The following CFAP47 variants were observed in gnomAD, a reference collection of about 807,000 sequenced individuals.
The protein encoded by CFAP47 is cilia and flagella associated protein 47, also known as cilia- and flagella-associated protein 47.
Under a neutral mutation model 148.1 loss-of-function variants are expected in CFAP47, and 29 were observed. The observed-to-expected ratio is 0.20, with a 90% CI of 0.15 to 0.27. The LOEUF is 0.27. CFAP47 is among the 10% of genes least tolerant of loss of function. The pLI, the probability that CFAP47 is intolerant of heterozygous loss-of-function variation, is 1.00. For synonymous variants in CFAP47, 664 were observed against 577.3 expected (o/e 1.15, Z -2.15); for missense variants, 1,872 against 1,697.5 (o/e 1.10, Z -1.81).
Position 36,167,041 on chromosome X carries a change from A to T in CFAP47, c.6026+6272A>T, listed in dbSNP as rs745540007. ...CAGACCTCTTTGAAAAAACAGTTCT[A>T]TAAATCATTGTTTAAGATTTTTTCT... is the stretch of plus-strand genomic sequence containing the variant. On this transcript the variant is annotated intron_variant, in intron 39 of 63. Coordinates refer to ENST00000378653, the MANE Select transcript of CFAP47 (RefSeq NM_001304548.2). Among the ~76,000 whole-genome samples the T allele has an allele frequency of 2.0e-3, 220 of 111,556 alleles. 2 individuals carry two copies. The highest frequency in any genetic ancestry group is 3.7e-3 in the Non-Finnish European group (195 of 53,153).
At chrX:36,332,455 T>A (rs1556014219) in intron 57 of CFAP47, among the ~76,000 whole-genome samples, 1 of 111,895 alleles carries the variant, frequency 8.9e-6, no homozygotes, top group Non-Finnish European at 1.9e-5. Flanking sequence ...AAATTAATTC[T>A]TACAGAAAGG....
At chrX:35,984,920 T>A (rs904114408) in intron 15 of CFAP47, among the ~76,000 whole-genome samples, 6 of 111,477 alleles carry the variant, frequency 5.4e-5, no homozygotes, top group African/African-American at 2.0e-4. Flanking sequence ...ACTCTGATGT[T>A]TGGGAGTGGA....
rs1015839416 is a variant in CFAP47, at chrX:36,114,037, G to C, written c.5320+9346G>C. Among the ~76,000 whole-genome samples the C allele has an allele frequency of 6.4e-5, 7 of 110,141 alleles. No homozygotes were observed. In the South Asian group the frequency reaches 1.2e-3, roughly 18 times the overall value. On this transcript the variant is annotated intron_variant, in intron 33 of 63. Transcript: ENST00000378653. Reference sequence around the variant, plus strand: ...GCATTAGCCAGGATGGTCTCGATCTGCTGACCTCGTGATCTGCCCGCCTTG... The same window carrying C: ...GCATTAGCCAGGATGGTCTCGATCTCCTGACCTCGTGATCTGCCCGCCTTG...
At chrX:36,145,744 A>G (rs1006641912) in intron 36 of CFAP47, among the ~76,000 whole-genome samples, 2 of 110,486 alleles carry the variant, frequency 1.8e-5, no homozygotes, top group African/African-American at 6.6e-5. Context: ...TTGATGCAAA[A>G]CTCATCCATA....
intron 8 of CFAP47, among the ~76,000 whole-genome samples, chrX:35,966,117 A>T (rs896509547): frequency 1.7e-4 from 18 of 107,398 alleles, no homozygotes; most frequent in African/African-American, 6.0e-4. Context: ...TACTATGTTT[A>T]ATTTTTCTTA....
chrX:36,347,546 A>T (rs782211484), intron 57 of CFAP47, among the ~76,000 whole-genome samples: 11 of 112,239 alleles, frequency 9.8e-5, no homozygotes, highest in Non-Finnish European at 2.1e-4. Flanking sequence ...TCCATCAATG[A>T]TAGACTAGAT....
In CFAP47 at chrX:36,367,199, A is replaced by G. The variant is rs377497599; in HGVS notation, c.9185+72A>G. On this transcript the variant is annotated intron_variant, in intron 62 of 63. Coordinates refer to ENST00000378653, the MANE Select transcript of CFAP47 (RefSeq NM_001304548.2). ...AACTTTGGAATGAAATTTAAGATGG[A>G]AAATTCTATAGTTCATCTTTTGCTG... is the stretch of plus-strand genomic sequence containing the variant. The G allele has an allele frequency of 7.8e-5, 59 of 756,117 alleles. No homozygotes were observed. The African/African-American group carries it at 1.2e-3, about 15-fold the overall frequency. 62.3% of individuals were successfully genotyped at this position (756,117 alleles called of 1,213,427 possible).
At chrX:35,934,772 A>C (rs759327012) in intron 2 of CFAP47, among the ~76,000 whole-genome samples, 336 of 110,624 alleles carry the variant, frequency 3.0e-3, no homozygotes, top group Non-Finnish European at 5.3e-3. Context: ...TTTAGTCAGC[A>C]GGTGATGAAT....
At chrX:36,077,903 C>T (rs1415669746) in intron 29 of CFAP47, among the ~76,000 whole-genome samples, 1 of 110,232 alleles carries the variant, frequency 9.1e-6, no homozygotes, top group Non-Finnish European at 1.9e-5. Context: ...GTGGCACACT[C>T]CTATAGTCTC....
chrX:36,093,946 C>T (rs1355987067), intron 30 of CFAP47, among the ~76,000 whole-genome samples: 1 of 111,514 alleles, frequency 9.0e-6, no homozygotes, highest in Non-Finnish European at 1.9e-5. Context: ...AATCTTTGCC[C>T]AGACCTGTAT....
rs373240572 is a variant in CFAP47, at chrX:36,384,932, C to T, written c.9490C>T (p.Arg3164Cys). 3.5e-5 allele frequency: 41 copies of T among 1,163,743 alleles called. No individual in the cohort carries two copies. Among genetic ancestry groups the T allele is most frequent in the Middle Eastern group, 2.3e-4 (1 of 4,323 alleles). Reference sequence around the variant, plus strand: ...GCCAGTCCGTCCACATAATTTTGTCCGTGAAAATACTAAACTCATAAGAAC... The same window carrying T: ...GCCAGTCCGTCCACATAATTTTGTCTGTGAAAATACTAAACTCATAAGAAC... The part of the protein sequence containing the change: ...NMPVRPHNFV[R>C]ENTKLIRTGV... Residue 3164 changes from arginine to cysteine, a missense_variant, in exon 64 of 64, where the codon CGT becomes TGT. Coordinates refer to ENST00000378653, the MANE Select transcript of CFAP47 (RefSeq NM_001304548.2).
At chrX:36,009,885 C>T (rs189068058) in intron 21 of CFAP47, among the ~76,000 whole-genome samples, 206 of 111,352 alleles carry the variant, frequency 1.8e-3, no homozygotes, top group African/African-American at 6.6e-3. Flanking sequence ...TACCTCTGAA[C>T]CCATCAATGC....
At chrX:36,130,861 G>A (rs1938934982) in intron 33 of CFAP47, among the ~76,000 whole-genome samples, 1 of 111,003 alleles carries the variant, frequency 9.0e-6, no homozygotes, top group Admixed American at 9.6e-5. Context: ...ATTTATTTGT[G>A]GAATCTAAAT....
chrX:36,034,631 A>G (rs1280173670), intron 23 of CFAP47, among the ~76,000 whole-genome samples: 1 of 110,952 alleles, frequency 9.0e-6, no homozygotes, highest in African/African-American at 3.3e-5. Flanking sequence ...TTTTGTTGCT[A>G]AAATTGTTTC....
intron 23 of CFAP47, among the ~76,000 whole-genome samples, chrX:36,034,328 C>T (rs1240700537): frequency 9.0e-6 from 1 of 110,806 alleles, no homozygotes; most frequent in East Asian, 2.8e-4. Context: ...TAAAGGAATA[C>T]ATGATATGAA....
intron 45 of CFAP47, among the ~76,000 whole-genome samples, chrX:36,206,819 G>C (rs1555988848): frequency 9.0e-6 from 1 of 111,392 alleles, no homozygotes; most frequent in East Asian, 2.8e-4. Flanking sequence ...GATGATTACT[G>C]TCAAAATATG....
chrX:36,261,124 C>CTTTTTTT (rs33916345), intron 49 of CFAP47, among the ~76,000 whole-genome samples: 3 of 78,067 alleles, frequency 3.8e-5, no homozygotes, highest in African/African-American at 1.0e-4. Context: ...AGTATAGTTT[C>CTTTTTTT]TTTTTTTTTT....
chrX:36,236,159 A>G, intron 47 of CFAP47, 82 bp downstream of exon 47: 1 of 358,432 alleles, frequency 2.8e-6, no homozygotes, highest in Non-Finnish European at 4.9e-6. Flanking sequence ...TAGTCTTTTA[A>G]TTGATAGTAC....
At chrX:36,266,666 C>T (rs1201539024) in intron 49 of CFAP47, among the ~76,000 whole-genome samples, 2 of 110,565 alleles carry the variant, frequency 1.8e-5, no homozygotes, top group African/African-American at 6.6e-5. Context: ...GGCAAAAAAC[C>T]TTTTGGTGGG....
Sources: gnomAD v4.1 joint callset for allele counts (sites outside exome capture counted in the v4.1 genomes callset) on GRCh38, gnomAD v4.1.1 for gene constraint, MANE v1.5 for transcripts, NCBI Gene and HGNC (gene_info 2026-07-23, HGNC 2026-07-21) for gene names.